Variants in LRMDA observed in about 807,000 individuals in gnomAD.
LRMDA encodes leucine rich melanocyte differentiation associated.
A neutral mutation model predicts 29.8 loss-of-function variants in LRMDA; 18 were observed. The ratio of observed to expected loss-of-function variants is 0.60; its 90% confidence interval spans 0.42 to 0.90. The LOEUF is 0.90. Ranked by LOEUF, LRMDA falls within the 40% of genes least tolerant of loss-of-function variation. The pLI is 0.00. For missense variants in LRMDA, 273 were observed against 273.9 expected (o/e 1.00, Z 0.02); for synonymous variants, 125 against 109.4 (o/e 1.14, Z -0.89).
At chr10:75,755,859 A>G (rs1013916776) in intron 2 of LRMDA, among the ~76,000 whole-genome samples, 2 of 152,188 alleles carry the variant, frequency 1.3e-5, no homozygotes, top group Non-Finnish European at 2.9e-5. Flanking sequence ...TATGCTACAA[A>G]TAAAATCCAT....
At chr10:76,303,211 CT>C (rs34865373) in intron 5 of LRMDA, among the ~76,000 whole-genome samples, 20,745 of 131,384 alleles carry the variant, frequency 0.16, 2,500 homozygotes, top group African/African-American at 0.36. Flanking sequence ...ACACTCCTCC[CT>C]TTTTTTTTTT....
At chr10:75,611,542 G>A (rs1841031952) in intron 2 of LRMDA, among the ~76,000 whole-genome samples, 1 of 151,818 alleles carries the variant, frequency 6.6e-6, no homozygotes, top group Non-Finnish European at 1.5e-5. Flanking sequence ...CCTCCCCTCA[G>A]CCCCAGGCAG....
At chr10:75,772,761 C>T in intron 2 of LRMDA, among the ~76,000 whole-genome samples, 1 of 148,392 alleles carries the variant, frequency 6.7e-6, no homozygotes, top group East Asian at 2.0e-4. Context: ...CCTGTCATTT[C>T]TAGTTAGGTT....
At chr10:76,236,490 G>A (rs1388561479) in intron 5 of LRMDA, among the ~76,000 whole-genome samples, 1 of 152,220 alleles carries the variant, frequency 6.6e-6, no homozygotes, top group African/African-American at 2.4e-5. Flanking sequence ...GAATCAGCAT[G>A]AGAATGGTTT....
At chr10:75,588,057 C>T (rs1445126805) in intron 2 of LRMDA, among the ~76,000 whole-genome samples, 2 of 152,104 alleles carry the variant, frequency 1.3e-5, no homozygotes, top group Non-Finnish European at 2.9e-5. Flanking sequence ...GAAACTGGAC[C>T]CTGTTTCCCT....
chr10:76,311,880 A>G (rs1382079145), intron 5 of LRMDA, among the ~76,000 whole-genome samples: 2 of 152,204 alleles, frequency 1.3e-5, no homozygotes, highest in Admixed American at 1.3e-4. Flanking sequence ...AACCTCACAC[A>G]GAGCAGACTG....
intron 6 of LRMDA, among the ~76,000 whole-genome samples, chr10:76,518,915 A>AAT (rs760476143): frequency 7.2e-5 from 11 of 152,196 alleles, no homozygotes; most frequent in Non-Finnish European, 1.3e-4. Context: ...TTAAGCTATA[A>AAT]AAGCAAATGT....
intron 2 of LRMDA, among the ~76,000 whole-genome samples, chr10:75,528,993 A>G (rs1845445961): frequency 6.6e-6 from 1 of 152,234 alleles, no homozygotes; most frequent in African/African-American, 2.4e-5. Flanking sequence ...AAGAGAAGGC[A>G]AAGATATGGA....
intron 2 of LRMDA, among the ~76,000 whole-genome samples, chr10:75,586,369 T>TA (rs769301288): frequency 8.8e-6 from 1 of 113,320 alleles, no homozygotes; most frequent in Admixed American, 1.1e-4. Flanking sequence ...TTTTTTTTTT[T>TA]AAATTAGAGA....
At chr10:75,962,307 G>A (rs778366323) in intron 2 of LRMDA, among the ~76,000 whole-genome samples, 1 of 152,202 alleles carries the variant, frequency 6.6e-6, no homozygotes, top group Non-Finnish European at 1.5e-5. Context: ...TGTTGGACTA[G>A]AGCAGTGGCT....
intron 6 of LRMDA, among the ~76,000 whole-genome samples, chr10:76,368,542 G>T (rs1251609391): frequency 2.0e-5 from 3 of 152,112 alleles, no homozygotes; most frequent in East Asian, 1.9e-4. Context: ...CTTGGAGAAA[G>T]TTCCATGCAT....
intron 6 of LRMDA, among the ~76,000 whole-genome samples, chr10:76,354,109 C>T (rs899676622): frequency 1.3e-5 from 2 of 152,142 alleles, no homozygotes; most frequent in African/African-American, 4.8e-5. Flanking sequence ...GCCCTAGTGA[C>T]AGCAACTGAC....
chr10:75,495,398 T>G (rs550085891), intron 2 of LRMDA, among the ~76,000 whole-genome samples: 17 of 152,214 alleles, frequency 1.1e-4, no homozygotes, highest in African/African-American at 3.4e-4. Flanking sequence ...TTATCGATAT[T>G]AAGATGGTGG....
chr10:75,645,143 C>T (rs1835365), intron 2 of LRMDA, among the ~76,000 whole-genome samples: 19,228 of 151,976 alleles, frequency 0.13, 1,708 homozygotes, highest in East Asian at 0.26. Context: ...CCACCACACC[C>T]GGCTAATTTT....
chr10:76,274,314 GTTTTT>G (rs1840103062), intron 5 of LRMDA, among the ~76,000 whole-genome samples: 1 of 152,178 alleles, frequency 6.6e-6, no homozygotes, highest in Non-Finnish European at 1.5e-5. Flanking sequence ...TGAAAATGGT[GTTTTT>G]ACCATCAAAT....
At chr10:75,775,642 G>A (rs1843301811) in intron 2 of LRMDA, among the ~76,000 whole-genome samples, 1 of 152,142 alleles carries the variant, frequency 6.6e-6, no homozygotes, top group South Asian at 2.1e-4. Context: ...AGCAGCTCTT[G>A]TGCGTGGGGA....
intron 5 of LRMDA, among the ~76,000 whole-genome samples, chr10:76,079,593 C>A (rs1234715467): frequency 6.6e-6 from 1 of 151,956 alleles, no homozygotes; most frequent in Non-Finnish European, 1.5e-5. Context: ...GACCAACATC[C>A]CATTATAAAA....
intron 2 of LRMDA, among the ~76,000 whole-genome samples, chr10:75,474,018 G>A (rs187982948): frequency 1.6e-4 from 25 of 152,310 alleles, no homozygotes; most frequent in Non-Finnish European, 2.5e-4. Context: ...GATACGCCTG[G>A]TTTGTGGACC....
At chr10:75,671,458 A>G (rs1841890407) in intron 2 of LRMDA, among the ~76,000 whole-genome samples, 1 of 152,164 alleles carries the variant, frequency 6.6e-6, no homozygotes, top group Non-Finnish European at 1.5e-5. Flanking sequence ...ATGCAGCCAT[A>G]AAAAAGAATC....
Sources: gnomAD v4.1 joint callset for allele counts (sites outside exome capture counted in the v4.1 genomes callset) on GRCh38, gnomAD v4.1.1 for gene constraint, MANE v1.5 for transcripts, NCBI Gene and HGNC (gene_info 2026-07-23, HGNC 2026-07-21) for gene names.